Variants in LRP1B observed in about 807,000 individuals in gnomAD.
LRP1B encodes LDL receptor related protein 1B, also known as low-density lipoprotein receptor-related protein 1B.
LRP1B carries 217 observed loss-of-function variants against 556.6 expected under a neutral mutation model. The ratio of observed to expected loss-of-function variants is 0.39; its 90% confidence interval spans 0.35 to 0.44. The LOEUF (loss-of-function observed/expected upper bound fraction) is 0.44, where lower values mean the gene tolerates loss of function less well. Ranked by LOEUF, LRP1B falls within the 20% of genes least tolerant of loss-of-function variation. LRP1B has a pLI of 1.00. For missense variants in LRP1B, 5,053 were observed against 5,620.8 expected (o/e 0.90, Z 3.23); for synonymous variants, 2,047 against 1,865.8 (o/e 1.10, Z -2.50).
At chr2:142,063,300 A>G (rs1427867044) in intron 1 of LRP1B, among the ~76,000 whole-genome samples, 2 of 151,638 alleles carry the variant, frequency 1.3e-5, no homozygotes, top group Non-Finnish European at 3.0e-5. Flanking sequence ...TTCTAGACAG[A>G]TGGAAGTGGT....
intron 84 of LRP1B, among the ~76,000 whole-genome samples, chr2:140,282,463 A>C (rs1682956885): frequency 6.6e-6 from 1 of 151,796 alleles, no homozygotes; most frequent in South Asian, 2.1e-4. Context: ...ATAAACTCTT[A>C]TTTTTCATAT....
chr2:141,599,885 T>C (rs1325553561), intron 2 of LRP1B, among the ~76,000 whole-genome samples: 1 of 152,140 alleles, frequency 6.6e-6, no homozygotes, highest in Non-Finnish European at 1.5e-5. Flanking sequence ...CTGTTCTATC[T>C]AAGCTTTTCC....
chr2:140,657,374 G>C (rs16844406), intron 41 of LRP1B, among the ~76,000 whole-genome samples: 11,284 of 151,634 alleles, frequency 0.074, 507 homozygotes, highest in African/African-American at 0.12. Flanking sequence ...GATTTTCTCA[G>C]CACTTCGTAT....
At chr2:141,029,511 A>C (rs1698307460) in intron 11 of LRP1B, among the ~76,000 whole-genome samples, 1 of 152,116 alleles carries the variant, frequency 6.6e-6, no homozygotes, top group African/African-American at 2.4e-5. Flanking sequence ...ACTGCTGTGT[A>C]ACTGCTAGCT....
At chr2:140,546,959 T>C (rs1249482237) in intron 43 of LRP1B, among the ~76,000 whole-genome samples, 3 of 152,162 alleles carry the variant, frequency 2.0e-5, no homozygotes, top group Admixed American at 6.6e-5. Flanking sequence ...ATCACCTTTA[T>C]TGATTTGCAT....
intron 6 of LRP1B, among the ~76,000 whole-genome samples, chr2:141,223,652 C>A (rs1683130030): frequency 6.6e-6 from 1 of 152,096 alleles, no homozygotes. Context: ...CTACAGTAAC[C>A]AAAACTGGTA....
intron 1 of LRP1B, among the ~76,000 whole-genome samples, chr2:142,109,774 T>C (rs1189591055): frequency 2.6e-5 from 4 of 152,124 alleles, no homozygotes; most frequent in African/African-American, 9.7e-5. Flanking sequence ...ACATGTTTGG[T>C]TTTCAAAAGA....
intron 2 of LRP1B, among the ~76,000 whole-genome samples, chr2:141,719,697 A>T (rs1692745587): frequency 6.6e-6 from 1 of 152,120 alleles, no homozygotes; most frequent in Admixed American, 6.5e-5. Flanking sequence ...CAGCTGTAAA[A>T]AATGAAGCCA....
rs144347127 is a variant in LRP1B at position 140,371,205 on chromosome 2, A to G, written c.10849T>C (p.Tyr3617His). 468 of 1,594,366 alleles carry G rather than the reference A, an allele frequency of 2.9e-4. 1 individual carries two copies. The highest frequency in any genetic ancestry group is 2.1e-4 in the Non-Finnish European group (243 of 1,170,402). The change falls in exon 70 of 91, where the codon TAT becomes CAT. Residue 3617 changes from tyrosine (Y) to histidine (H), a missense_variant. Physicochemically the swap from Tyr to His is moderately conservative, Grantham distance 83. Around this residue, in one of 5 missense-constraint regions of LRP1B, gnomAD observed 599 missense variants for 648.4 expected, o/e 0.92. Transcript: ENST00000389484. The part of the protein sequence containing the change: ...ISASLKCNGE[Y>H]DCADGSDEMD... ...TCATCTGAACCATCAGCACAATCAT[A>G]TTCTCCATTACATTTCAAAGATGCT...
intron 47 of LRP1B, among the ~76,000 whole-genome samples, chr2:140,530,448 T>C (rs16844157): frequency 0.037 from 5,583 of 152,126 alleles, 258 homozygotes; most frequent in African/African-American, 0.11. Flanking sequence ...ATTTGCATAA[T>C]ATAAGTCTTT....
At chr2:142,113,590 A>G (rs1056958857) in intron 1 of LRP1B, among the ~76,000 whole-genome samples, 18 of 152,032 alleles carry the variant, frequency 1.2e-4, no homozygotes, top group African/African-American at 4.3e-4. Context: ...AGAACACAAC[A>G]ATGTTGTGTT....
chr2:141,296,739 A>G (rs1686194782), intron 3 of LRP1B, among the ~76,000 whole-genome samples: 1 of 152,146 alleles, frequency 6.6e-6, no homozygotes, highest in Non-Finnish European at 1.5e-5. Flanking sequence ...TTTTAGATTC[A>G]TGGAGTATAT....
At position 141,558,041 on chromosome 2, in the gene LRP1B, T is replaced by C. The variant is rs147661450; in HGVS notation, c.206-77508A>G. On this transcript the variant is annotated intron_variant, in intron 2 of 90. Coordinates refer to ENST00000389484, the MANE Select transcript of LRP1B (RefSeq NM_018557.3). ...ATCTGGAAATTTGAGGCTTTGCAGGTCTGCAATGATAACTGCAATCTCAGG... is the reference window on the plus strand; with the variant it reads ...ATCTGGAAATTTGAGGCTTTGCAGGCCTGCAATGATAACTGCAATCTCAGG... 2.5e-3 allele frequency among the ~76,000 whole-genome samples: 375 copies of C among 152,016 alleles called. 2 individuals are homozygous for C. Among genetic ancestry groups the C allele is most frequent in the African/African-American group, 8.7e-3 (362 of 41,520 alleles).
intron 3 of LRP1B, among the ~76,000 whole-genome samples, chr2:141,449,487 G>T (rs1272194072): frequency 6.6e-6 from 1 of 152,020 alleles, no homozygotes; most frequent in Non-Finnish European, 1.5e-5. Context: ...TTATATTGCA[G>T]ATTCCATTGG....
intron 3 of LRP1B, among the ~76,000 whole-genome samples, chr2:141,404,238 C>T (rs1690545857): frequency 6.6e-6 from 1 of 152,160 alleles, no homozygotes; most frequent in Admixed American, 6.5e-5. Flanking sequence ...AATAAAATAT[C>T]TGGTTAGAAA....
At chr2:140,609,824 T>A (rs538688258) in intron 41 of LRP1B, among the ~76,000 whole-genome samples, 10 of 152,314 alleles carry the variant, frequency 6.6e-5, no homozygotes, top group African/African-American at 2.4e-4. Context: ...GTCATTCTTG[T>A]CAATTCATTC....
At chr2:140,353,473 C>A (rs527427930) in intron 75 of LRP1B, among the ~76,000 whole-genome samples, 1 of 151,966 alleles carries the variant, frequency 6.6e-6, no homozygotes, top group Non-Finnish European at 1.5e-5. Context: ...CGCAAATAGA[C>A]CTGTCTTGAG....
intron 49 of LRP1B, 99 bp from the exon 50 acceptor site, chr2:140,517,110 C>A (rs2104940311): frequency 1.2e-6 from 1 of 818,436 alleles, no homozygotes; most frequent in Non-Finnish European, 2.0e-6. Context: ...AGATAAATAA[C>A]AAGTAAGCTT....
intron 1 of LRP1B, among the ~76,000 whole-genome samples, chr2:141,827,761 T>C (rs1397271989): frequency 5.3e-5 from 8 of 152,142 alleles, no homozygotes; most frequent in African/African-American, 1.9e-4. Context: ...AAAGATAGAA[T>C]TCATTTTATA....
Sources: gnomAD v4.1 joint callset for allele counts (sites outside exome capture counted in the v4.1 genomes callset) on GRCh38, gnomAD v4.1.1 for gene constraint, gnomAD v4.1.1 regional missense constraint, MANE v1.5 for transcripts, NCBI Gene and HGNC (gene_info 2026-07-23, HGNC 2026-07-21) for gene names.